GLIS3: variants seen among roughly 807,000 people sequenced by gnomAD.
The protein encoded by GLIS3 is zinc finger protein GLIS3.
Under a neutral mutation model 78.6 loss-of-function variants are expected in GLIS3, and 53 were observed. The ratio of observed to expected loss-of-function variants is 0.67; its 90% CI spans 0.54 to 0.85. The LOEUF is 0.85. GLIS3 is among the 40% of genes least tolerant of loss of function. The pLI is 0.00. For missense variants in GLIS3, 1,703 were observed against 1,231.1 expected, an observed-to-expected ratio of 1.38 and a Z score of -5.74; for synonymous variants, 684 against 509.9, an observed-to-expected ratio of 1.34 and a Z score of -4.60.
Position 4,221,733 on chromosome 9 carries a change from G to C in GLIS3, c.388+64305C>G, listed in dbSNP as rs144110060. Among the ~76,000 whole-genome samples the C allele has an allele frequency of 2.0e-5, 3 of 152,250 alleles. No individual in the cohort carries two copies. In the East Asian group the frequency reaches 5.8e-4, roughly 29 times the overall value. On this transcript the variant is annotated intron_variant, in intron 2 of 10. Transcript: ENST00000381971. ...ATAACATATGGAAACACATTACAAA[G>C]GAGCAGAAATGGTGGAGAAAAGCAC...
the GLIS3 span, among the ~76,000 whole-genome samples, chr9:4,475,719 C>G: frequency 6.6e-6 from 1 of 151,970 alleles, no homozygotes. Context: ...TTGTAAGCTG[C>G]CATTTTGTGT....
intron 4 of GLIS3, among the ~76,000 whole-genome samples, chr9:4,002,859 G>A (rs1416057293): frequency 6.6e-6 from 1 of 152,174 alleles, no homozygotes; most frequent in African/African-American, 2.4e-5. Flanking sequence ...CTTTAAATAT[G>A]AGCGTGATGG....
chr9:3,951,118 T>C (rs1043820727), intron 4 of GLIS3, among the ~76,000 whole-genome samples: 5 of 152,218 alleles, frequency 3.3e-5, no homozygotes, highest in Non-Finnish European at 5.9e-5. Context: ...TCTCAACTCA[T>C]TTTGACAAAG....
intron 2 of GLIS3, among the ~76,000 whole-genome samples, chr9:4,265,363 C>T (rs7037716): frequency 0.63 from 94,169 of 150,214 alleles, 29,771 homozygotes; most frequent in Admixed American, 0.69. Flanking sequence ...TTTAATTTTT[C>T]CAGGTTTCTA....
intron 2 of GLIS3, among the ~76,000 whole-genome samples, chr9:4,149,141 T>C (rs1208473421): frequency 6.6e-6 from 1 of 152,178 alleles, no homozygotes; most frequent in Non-Finnish European, 1.5e-5. Context: ...CTAAGAATAA[T>C]AATGATAGTG....
At chr9:4,266,555 A>T (rs541969633) in intron 2 of GLIS3, among the ~76,000 whole-genome samples, 1 of 151,582 alleles carries the variant, frequency 6.6e-6, no homozygotes, top group Non-Finnish European at 1.5e-5. Flanking sequence ...TCTTCAGCAT[A>T]CACAAATATA....
At chr9:4,276,268 T>G (rs1271574159) in intron 2 of GLIS3, among the ~76,000 whole-genome samples, 5 of 126,338 alleles carry the variant, frequency 4.0e-5, no homozygotes, top group African/African-American at 1.5e-4. Flanking sequence ...AGAGTAAGAC[T>G]GAAAGAAAAG....
chr9:4,432,560 G>A, the GLIS3 span, among the ~76,000 whole-genome samples: 46 of 151,354 alleles, frequency 3.0e-4, no homozygotes, highest in African/African-American at 9.2e-4. Context: ...TTGGTGAGAA[G>A]TATATACACA....
intron 2 of GLIS3, among the ~76,000 whole-genome samples, chr9:4,311,685 C>T (rs954249345): frequency 1.3e-5 from 2 of 152,108 alleles, no homozygotes; most frequent in Non-Finnish European, 2.9e-5. Flanking sequence ...GCCTTATCAC[C>T]GCCCTCCTCT....
intron 2 of GLIS3, among the ~76,000 whole-genome samples, chr9:4,284,719 T>A (rs1827837192): frequency 6.7e-6 from 1 of 149,694 alleles, no homozygotes; most frequent in Admixed American, 6.7e-5. Flanking sequence ...GAGACCAGCC[T>A]GAGCAACATA....
At chr9:4,162,214 C>T (rs1053198341) in intron 2 of GLIS3, among the ~76,000 whole-genome samples, 1 of 152,172 alleles carries the variant, frequency 6.6e-6, no homozygotes, top group African/African-American at 2.4e-5. Flanking sequence ...GTCCAAATTT[C>T]CTTCTTTTTT....
At chr9:4,288,282 T>C (rs1828167232) in intron 1 of GLIS3, among the ~76,000 whole-genome samples, 1 of 152,124 alleles carries the variant, frequency 6.6e-6, no homozygotes, top group South Asian at 2.1e-4. Context: ...TTCTGAGCAC[T>C]CTGAACCCTG....
intron 2 of GLIS3, among the ~76,000 whole-genome samples, chr9:4,270,626 T>C (rs926935547): frequency 6.6e-6 from 1 of 152,208 alleles, no homozygotes; most frequent in East Asian, 1.9e-4. Flanking sequence ...GCTTGCTTCA[T>C]GAAGCACACA....
intron 4 of GLIS3, among the ~76,000 whole-genome samples, chr9:4,055,138 G>A (rs1826040856): frequency 6.6e-6 from 1 of 152,168 alleles, no homozygotes; most frequent in African/African-American, 2.4e-5. Flanking sequence ...TCTGCATCCT[G>A]AACCAAGAAT....
chr9:4,181,967 C>A (rs964820016), intron 2 of GLIS3, among the ~76,000 whole-genome samples: 2 of 152,140 alleles, frequency 1.3e-5, no homozygotes, highest in Admixed American at 6.6e-5. Context: ...ATAATAAACA[C>A]GTATTAGCCA....
intron 2 of GLIS3, among the ~76,000 whole-genome samples, chr9:4,249,783 GA>G (rs1824175880): frequency 6.6e-6 from 1 of 152,182 alleles, no homozygotes; most frequent in Non-Finnish European, 1.5e-5. Context: ...ATTATTTTGA[GA>G]TACATTTCAT....
chr9:4,342,354 C>T lies in GLIS3; in HGVS notation n.264+4727G>A, dbSNP rs578072439. 7.2e-5 allele frequency among the ~76,000 whole-genome samples: 11 copies of T among 152,286 alleles called. No individual in the cohort carries two copies. The Middle Eastern group carries it at 0.014, about 188-fold the overall frequency. ...ACCATTTATGGCCTGGTGCTTTCAT[C>T]GCTTTCCCCATTGCCTGTTCTTGTT... On this transcript the variant is annotated intron_variant and non_coding_transcript_variant, in intron 2 of 4. Transcript: ENST00000471664.
intron 2 of GLIS3, among the ~76,000 whole-genome samples, chr9:4,328,690 G>A (rs1355586684): frequency 1.3e-5 from 2 of 152,222 alleles, no homozygotes. Flanking sequence ...TCTATAGCTT[G>A]TGACCTTGGG....
At chr9:4,163,450 A>T (rs1174355153) in intron 2 of GLIS3, among the ~76,000 whole-genome samples, 1 of 152,262 alleles carries the variant, frequency 6.6e-6, no homozygotes, top group Non-Finnish European at 1.5e-5. Flanking sequence ...AGATCATGGG[A>T]ATAATTTGTG....
Sources: allele counts gnomAD v4.1 joint callset (sites outside exome capture counted in the v4.1 genomes callset), GRCh38; gene constraint gnomAD v4.1.1; transcripts MANE v1.5; gene names NCBI Gene and HGNC (gene_info 2026-07-23, HGNC 2026-07-21).